Variants in MAD1L1 observed in about 807,000 individuals in gnomAD.
MAD1L1 encodes mitotic arrest deficient 1 like 1.
A neutral mutation model predicts 96.9 loss-of-function variants in MAD1L1; 95 were observed. The observed-to-expected ratio is 0.98, with a 90% confidence interval of 0.83 to 1.16. The LOEUF (loss-of-function observed/expected upper bound fraction) is 1.16, where lower values mean the gene tolerates loss of function less well. Ranked by LOEUF, MAD1L1 falls within the 50% of genes most tolerant of loss-of-function variation. The pLI is 0.00. For missense variants in MAD1L1, 1,007 were observed against 954.4 expected, an observed-to-expected ratio of 1.06 and a Z score of -0.73; for synonymous variants, 473 against 396.6, an observed-to-expected ratio of 1.19 and a Z score of -2.29.
At chr7:1,879,924 A>C (rs925940121) in intron 18 of MAD1L1, among the ~76,000 whole-genome samples, 1 of 151,986 alleles carries the variant, frequency 6.6e-6, no homozygotes, top group Non-Finnish European at 1.5e-5. Flanking sequence ...CAGAGACGGG[A>C]TTTCACTCTG....
At chr7:1,816,821 T>C (rs1307745731) in intron 18 of MAD1L1, among the ~76,000 whole-genome samples, 1 of 151,888 alleles carries the variant, frequency 6.6e-6, no homozygotes, top group Non-Finnish European at 1.5e-5. Flanking sequence ...CAAGCTGCTG[T>C]GCCACGGTCC....
At chr7:2,068,421 G>A (rs187044585) in intron 12 of MAD1L1, among the ~76,000 whole-genome samples, 1 of 152,218 alleles carries the variant, frequency 6.6e-6, no homozygotes, top group Admixed American at 6.5e-5. Flanking sequence ...CATCAAAAAC[G>A]ATCAAGAACA....
At chr7:1,871,374 C>G (rs577114236) in intron 18 of MAD1L1, among the ~76,000 whole-genome samples, 3,675 of 138,612 alleles carry the variant, frequency 0.027, 126 homozygotes, top group African/African-American at 0.099. Flanking sequence ...ATGCCTGCCA[C>G]GCTGAACCCA....
Position 1,957,749 on chromosome 7 carries a change from G to A in MAD1L1, c.1506-30C>T, listed in dbSNP as rs1779789703. Reference sequence around the variant, plus strand: ...AAGGACAGCAAGACGGTGACCAGGTGTCCGAGGCCAGCCATGCTGGGGAAG... The same window carrying A: ...AAGGACAGCAAGACGGTGACCAGGTATCCGAGGCCAGCCATGCTGGGGAAG... On this transcript the variant is annotated intron_variant, in intron 15 of 18. Coordinates refer to ENST00000265854, the MANE Select transcript of MAD1L1 (RefSeq NM_001013836.2). 11 of 1,609,166 alleles carry A rather than the reference G, an allele frequency of 6.8e-6. No homozygotes were observed. The South Asian group carries it at 1.1e-4, about 16-fold the overall frequency.
At chr7:2,151,381 C>T (rs79107267) in intron 10 of MAD1L1, among the ~76,000 whole-genome samples, 6 of 152,214 alleles carry the variant, frequency 3.9e-5, no homozygotes, top group African/African-American at 4.8e-5. Flanking sequence ...AAGACCACCC[C>T]GCCTCACACC....
intron 16 of MAD1L1, among the ~76,000 whole-genome samples, chr7:1,940,994 G>GCCTCAGCCTCCTCTTCCTCTCCCAGA (rs1778963002): frequency 2.0e-5 from 3 of 149,084 alleles, no homozygotes; most frequent in Admixed American, 1.3e-4. Flanking sequence ...CCTCTCCCAG[G>GCCTCAGCCTCCTCTTCCTCTCCCAGA]CCTCAGCCTC....
intron 18 of MAD1L1, among the ~76,000 whole-genome samples, chr7:1,894,423 G>A (rs1786737941): frequency 6.6e-6 from 1 of 152,194 alleles, no homozygotes; most frequent in African/African-American, 2.4e-5. Flanking sequence ...AAGCACGGGT[G>A]CACCGTGGGC....
chr7:1,853,694 C>T (rs1179269767), intron 18 of MAD1L1, among the ~76,000 whole-genome samples: 1 of 152,164 alleles, frequency 6.6e-6, no homozygotes, highest in East Asian at 1.9e-4. Context: ...CCAGGCTGAG[C>T]TCAGAAGGAC....
intron 17 of MAD1L1, among the ~76,000 whole-genome samples, chr7:1,928,373 C>T (rs1005889561): frequency 1.3e-5 from 2 of 151,564 alleles, no homozygotes; most frequent in Non-Finnish European, 2.9e-5. Flanking sequence ...ACACTGCTCC[C>T]CACCACCCAC....
chr7:1,847,601 A>G (rs1783707996), intron 18 of MAD1L1: 1 of 470,864 alleles, frequency 2.1e-6, no homozygotes, highest in South Asian at 1.5e-5. Context: ...TGCACACAGC[A>G]TGGAGATCTC....
At chr7:1,834,724 T>C (rs1726367467) in intron 18 of MAD1L1, among the ~76,000 whole-genome samples, 1 of 152,200 alleles carries the variant, frequency 6.6e-6, no homozygotes, top group Non-Finnish European at 1.5e-5. Context: ...ACATTAACTC[T>C]TTTCTTCCAG....
At chr7:1,887,429 G>A (rs368450431) in intron 18 of MAD1L1, among the ~76,000 whole-genome samples, 76 of 150,472 alleles carry the variant, frequency 5.1e-4, no homozygotes, top group African/African-American at 1.6e-3. Context: ...GTGTGCATGC[G>A]TGCATGTGGC....
chr7:2,186,206 A>C (rs1052261757), intron 10 of MAD1L1, among the ~76,000 whole-genome samples: 1 of 152,264 alleles, frequency 6.6e-6, no homozygotes, highest in African/African-American at 2.4e-5. Context: ...CATTCCCATC[A>C]ATAAAAAGAA....
At chr7:2,086,057 C>T (rs1318165427) in intron 11 of MAD1L1, among the ~76,000 whole-genome samples, 2 of 152,208 alleles carry the variant, frequency 1.3e-5, no homozygotes, top group East Asian at 1.9e-4. Context: ...CCACCCTGCC[C>T]GGGAGGACTC....
At chr7:1,905,261 G>A (rs1385441376) in intron 17 of MAD1L1, among the ~76,000 whole-genome samples, 3 of 97,146 alleles carry the variant, frequency 3.1e-5, no homozygotes, top group South Asian at 4.4e-4. Flanking sequence ...AGTGGCCTAC[G>A]GAAGACGCTC....
chr7:2,168,633 C>T (rs926963893), intron 10 of MAD1L1, among the ~76,000 whole-genome samples: 2 of 152,222 alleles, frequency 1.3e-5, no homozygotes, highest in South Asian at 2.1e-4. Flanking sequence ...AAACAAAAAT[C>T]GCCTAAGAAT....
chr7:2,215,748 C>T, intron 9 of MAD1L1, 137 bp downstream of exon 9: 1 of 761,676 alleles, frequency 1.3e-6, no homozygotes, highest in South Asian at 1.6e-5. Flanking sequence ...CTCTGGGGAC[C>T]ACGATTCTGC....
intron 18 of MAD1L1, 27 bp downstream of exon 18, chr7:1,898,173 C>A (rs774296830): frequency 1.0e-5 from 16 of 1,576,812 alleles, no homozygotes; most frequent in Non-Finnish European, 1.4e-5. Flanking sequence ...GCGAGACAGC[C>A]GGAGAGCCGT....
chr7:2,034,968 G>A (rs57718719), intron 12 of MAD1L1, among the ~76,000 whole-genome samples: 13,169 of 152,258 alleles, frequency 0.086, 1,855 homozygotes, highest in African/African-American at 0.29. Flanking sequence ...CATGTACTCC[G>A]CAGACCCAAA....
Sources: gnomAD v4.1 joint callset for allele counts (sites outside exome capture counted in the v4.1 genomes callset) on GRCh38, gnomAD v4.1.1 for gene constraint, MANE v1.5 for transcripts, NCBI Gene and HGNC (gene_info 2026-07-23, HGNC 2026-07-21) for gene names.